Variants in DCC observed in about 807,000 individuals in gnomAD.
The protein encoded by DCC is netrin receptor DCC.
DCC carries 58 observed loss-of-function variants against 172.5 expected under a neutral mutation model. The observed-to-expected ratio is 0.34, with a 90% CI of 0.27 to 0.42. The LOEUF (loss-of-function observed/expected upper bound fraction) is 0.42. Ranked by LOEUF, DCC falls within the 10% of genes least tolerant of loss-of-function variation. DCC has a pLI of 1.00. For synonymous variants in DCC, 709 were observed against 644.5 expected (o/e 1.10, Z -1.52); for missense variants, 1,740 against 1,791.0 (o/e 0.97, Z 0.51).
At chr18:53,049,993 T>G (rs909514160) in intron 5 of DCC, among the ~76,000 whole-genome samples, 9 of 152,050 alleles carry the variant, frequency 5.9e-5, no homozygotes, top group Non-Finnish European at 4.4e-5. Context: ...TAGCCTTCAG[T>G]CTGTGGCCAA....
intron 1 of DCC, among the ~76,000 whole-genome samples, chr18:52,565,932 T>C (rs1162823819): frequency 6.6e-6 from 1 of 152,164 alleles, no homozygotes; most frequent in Admixed American, 6.5e-5. Flanking sequence ...TCCTCAATGG[T>C]ATTGCCTAGG....
At chr18:52,938,159 G>A (rs986276188) in intron 5 of DCC, among the ~76,000 whole-genome samples, 1 of 152,104 alleles carries the variant, frequency 6.6e-6, no homozygotes, top group African/African-American at 2.4e-5. Context: ...GCTTGGCTGA[G>A]GTCAGTGACT....
intron 7 of DCC, among the ~76,000 whole-genome samples, chr18:53,100,397 C>G (rs2043153846): frequency 6.6e-6 from 1 of 152,022 alleles, no homozygotes; most frequent in Non-Finnish European, 1.5e-5. Flanking sequence ...GAATTTTTAG[C>G]AACCTCTTAG....
Position 53,157,460 on chromosome 18 carries a change from A to G in DCC, c.1366A>G (p.Lys456Glu), listed in dbSNP as rs1308033809. 1 of 1,614,154 alleles carries G rather than the reference A, an allele frequency of 6.2e-7. No individual in the cohort carries two copies. The highest frequency in any genetic ancestry group is 1.7e-5 in the Admixed American group (1 of 60,024). The stretch of plus-strand genomic sequence containing the variant: ...CAGCTGGCGCCCACCTGCAGAAGCG[A>G]AAGGGAACATTCAAACTTTCACGGT... The part of the protein sequence containing the change: ...RLSWRPPAEA[K>E]GNIQTFTVFF... Residue 456 changes from lysine (K) to glutamate (E), a missense_variant, in exon 8 of 29, where the codon AAA becomes GAA. Around this residue, in one of 2 missense-constraint regions of DCC, gnomAD observed 1,732 missense variants for 1,767.4 expected, o/e 0.98. Transcript: ENST00000442544.
chr18:52,865,571 A>G (rs1470749189), intron 2 of DCC, among the ~76,000 whole-genome samples: 1 of 150,800 alleles, frequency 6.6e-6, no homozygotes, highest in African/African-American at 2.4e-5. Context: ...GGTTTTGATT[A>G]GTATTTATTA....
At position 53,531,149 on chromosome 18, in the gene DCC, T is replaced by C. The variant is rs1445303045; in HGVS notation, c.*496T>C. On this transcript the variant is annotated 3_prime_UTR_variant, in exon 29 of 29. Coordinates refer to ENST00000442544, the MANE Select transcript of DCC (RefSeq NM_005215.4). ...TCTCTCATGCCATAGCACCAAAGGA[T>C]TGGATGTTTTCCTTACAGCACAAAA... The C allele has an allele frequency of 1.1e-5, 2 of 183,880 alleles. No homozygotes were observed. Among genetic ancestry groups the C allele is most frequent in the East Asian group, 1.2e-4 (1 of 8,458 alleles). The allele number at this position is 183,880 out of a possible 1,614,324, so 11.4% of individuals were successfully genotyped here.
chr18:53,508,196 A>G (rs2046206872), intron 27 of DCC, among the ~76,000 whole-genome samples: 2 of 134,444 alleles, frequency 1.5e-5, no homozygotes, highest in Non-Finnish European at 1.7e-5. Context: ...CCCGGCCGAG[A>G]CCACATTTTT....
intron 1 of DCC, among the ~76,000 whole-genome samples, chr18:52,346,291 GGT>G (rs1983876102): frequency 6.6e-6 from 1 of 152,176 alleles, no homozygotes; most frequent in Non-Finnish European, 1.5e-5. Context: ...GCAGGACTCA[GGT>G]AAATGAAACA....
chr18:53,276,355 C>T (rs1436393029), intron 12 of DCC, among the ~76,000 whole-genome samples: 1 of 152,132 alleles, frequency 6.6e-6, no homozygotes, highest in Non-Finnish European at 1.5e-5. Flanking sequence ...CTTATTTTCA[C>T]ATTTTACATC....
intron 1 of DCC, among the ~76,000 whole-genome samples, chr18:52,607,680 C>T (rs2034165012): frequency 6.6e-6 from 1 of 151,936 alleles, no homozygotes. Flanking sequence ...TGCGTGGTAT[C>T]ATAAAGAATA....
chr18:53,455,808 A>C (rs1419521014), intron 23 of DCC, among the ~76,000 whole-genome samples: 1 of 152,164 alleles, frequency 6.6e-6, no homozygotes, highest in Non-Finnish European at 1.5e-5. Context: ...CATGCTCCTC[A>C]TTCCAACAAT....
intron 8 of DCC, among the ~76,000 whole-genome samples, chr18:53,161,465 G>A (rs929212030): frequency 6.6e-6 from 1 of 152,002 alleles, no homozygotes; most frequent in Admixed American, 6.6e-5. Flanking sequence ...ATTGCTTCAG[G>A]ACTCAAGCCT....
chr18:53,002,645 C>G (rs935287022), intron 5 of DCC, among the ~76,000 whole-genome samples: 3 of 135,490 alleles, frequency 2.2e-5, no homozygotes, highest in African/African-American at 7.6e-5. Flanking sequence ...AAGCACATGC[C>G]AGATATTTAT....
At chr18:52,367,129 C>G (rs560816458) in intron 1 of DCC, among the ~76,000 whole-genome samples, 1 of 152,370 alleles carries the variant, frequency 6.6e-6, no homozygotes, top group Non-Finnish European at 1.5e-5. Flanking sequence ...AGTACACCCT[C>G]CACAGCCACT....
chr18:52,986,553 T>C (rs545086628), intron 5 of DCC, among the ~76,000 whole-genome samples: 2 of 152,272 alleles, frequency 1.3e-5, no homozygotes, highest in African/African-American at 4.8e-5. Flanking sequence ...CTCTCTTCCA[T>C]ATATCTATCC....
intron 1 of DCC, among the ~76,000 whole-genome samples, chr18:52,515,551 G>A (rs1200639671): frequency 1.5e-5 from 2 of 129,954 alleles, no homozygotes; most frequent in Non-Finnish European, 1.6e-5. Context: ...AGCTTGCAGT[G>A]AGCCGAGATA....
Position 53,494,709 on chromosome 18 carries a change from C to T in DCC, c.3899-4589C>T, listed in dbSNP as rs536324744. Among the ~76,000 whole-genome samples, 3 of 152,282 alleles carry T rather than the reference C, an allele frequency of 2.0e-5. No individual in the cohort carries two copies. The East Asian group carries it at 5.8e-4, about 29-fold the overall frequency. On this transcript the variant is annotated intron_variant, in intron 26 of 28. Transcript: ENST00000442544. ...TTCATTTTGAGCCTATGTGTGCCTGCACGTGAGATGGGTCTCCTGAATACA... is the reference window on the plus strand; with the variant it reads ...TTCATTTTGAGCCTATGTGTGCCTGTACGTGAGATGGGTCTCCTGAATACA...
chr18:53,377,352 T>TGAGA (rs59629030), intron 15 of DCC, among the ~76,000 whole-genome samples: 3,752 of 137,304 alleles, frequency 0.027, 69 homozygotes, highest in East Asian at 0.065. Context: ...AAGATGCATT[T>TGAGA]GAGAGAGAGA....
At chr18:52,663,323 C>T (rs1232765823) in intron 1 of DCC, among the ~76,000 whole-genome samples, 1 of 152,124 alleles carries the variant, frequency 6.6e-6, no homozygotes, top group African/African-American at 2.4e-5. Flanking sequence ...AAAAGCAGAT[C>T]CTCTTCAGGA....
Sources: allele counts gnomAD v4.1 joint callset (sites outside exome capture counted in the v4.1 genomes callset), GRCh38; gene constraint gnomAD v4.1.1; regional missense constraint gnomAD v4.1.1; transcripts MANE v1.5; gene names NCBI Gene and HGNC (gene_info 2026-07-23, HGNC 2026-07-21).